The following SNX10 variants were observed in gnomAD, a reference collection of about 807,000 sequenced individuals.
SNX10 encodes the protein sorting nexin-10.
SNX10 carries 25 observed loss-of-function variants against 28.5 expected under a neutral mutation model. The ratio of observed to expected loss-of-function variants is 0.88; its 90% CI spans 0.64 to 1.22. The LOEUF (loss-of-function observed/expected upper bound fraction) is 1.22, where lower values mean the gene tolerates loss of function less well. SNX10 is among the 50% of genes most tolerant of loss of function. The probability of loss-of-function intolerance (pLI) is 0.00; values close to 1 mark genes in which losing one functional copy is unlikely to be tolerated. For synonymous variants in SNX10, 62 were observed against 81.4 expected, an observed-to-expected ratio of 0.76 and a Z score of 1.28; for missense variants, 223 against 242.6, an observed-to-expected ratio of 0.92 and a Z score of 0.54.
chr7:26,310,382 G>A (rs945866218), intron 1 of SNX10, among the ~76,000 whole-genome samples: 2 of 152,132 alleles, frequency 1.3e-5, no homozygotes, highest in Non-Finnish European at 2.9e-5. Flanking sequence ...AATTGGGCAA[G>A]GTCCCTGCCC....
At chr7:26,362,583 G>A (rs1562819442) in intron 3 of SNX10, among the ~76,000 whole-genome samples, 1 of 152,190 alleles carries the variant, frequency 6.6e-6, no homozygotes, top group Non-Finnish European at 1.5e-5. Flanking sequence ...ATTTATTAGA[G>A]GAACTTAATC....
intron 2 of SNX10, among the ~76,000 whole-genome samples, chr7:26,347,346 T>C (rs962506194): frequency 6.6e-6 from 1 of 152,210 alleles, no homozygotes; most frequent in Non-Finnish European, 1.5e-5. Context: ...TTCCCCATTT[T>C]CAAAGGCAGT....
At chr7:26,371,729 C>A (rs1173360022) in intron 5 of SNX10, 92 bp from the exon 6 acceptor site, 1 of 865,350 alleles carries the variant, frequency 1.2e-6, no homozygotes, top group Non-Finnish European at 1.8e-6. Flanking sequence ...GAGAAATTAC[C>A]TTCAGTGGTA....
chr7:26,319,866 G>T (rs1562793503), intron 1 of SNX10, among the ~76,000 whole-genome samples: 1 of 151,970 alleles, frequency 6.6e-6, no homozygotes. Context: ...CCCTAGTACT[G>T]GTTTTTCCTA....
intron 1 of SNX10, among the ~76,000 whole-genome samples, chr7:26,316,901 A>G (rs1787116186): frequency 6.6e-6 from 1 of 152,216 alleles, no homozygotes; most frequent in Non-Finnish European, 1.5e-5. Flanking sequence ...TGCCCAGAAT[A>G]TACTAGAATT....
At chr7:26,297,255 C>A (rs1405311567) in intron 1 of SNX10, among the ~76,000 whole-genome samples, 1 of 152,160 alleles carries the variant, frequency 6.6e-6, no homozygotes, top group Non-Finnish European at 1.5e-5. Flanking sequence ...ATCATCATGC[C>A]TGGCTAATTT....
chr7:26,366,646 A>T (rs1412576958), intron 5 of SNX10, among the ~76,000 whole-genome samples: 1 of 152,186 alleles, frequency 6.6e-6, no homozygotes, highest in East Asian at 1.9e-4. Context: ...AATTCTACAG[A>T]ATTGCCTGTC....
At chr7:26,347,688 A>G (rs993959243) in intron 2 of SNX10, among the ~76,000 whole-genome samples, 4 of 152,156 alleles carry the variant, frequency 2.6e-5, no homozygotes, top group African/African-American at 9.7e-5. Context: ...CATCTCTACT[A>G]AAAATACCAA....
intron 1 of SNX10, among the ~76,000 whole-genome samples, chr7:26,296,575 A>C (rs943975347): frequency 6.6e-6 from 1 of 152,212 alleles, no homozygotes; most frequent in African/African-American, 2.4e-5. Context: ...TGAGACCTTT[A>C]ATAGTTTAGG....
intron 3 of SNX10, among the ~76,000 whole-genome samples, chr7:26,362,609 T>C (rs1218715129): frequency 6.6e-6 from 1 of 152,206 alleles, no homozygotes; most frequent in Admixed American, 6.5e-5. Flanking sequence ...GTGATCTCAG[T>C]ATCCTCTAAT....
At chr7:26,323,311 G>A (rs1217327337) in intron 1 of SNX10, among the ~76,000 whole-genome samples, 1 of 150,324 alleles carries the variant, frequency 6.7e-6, no homozygotes, top group Admixed American at 6.8e-5. Context: ...GAAAAACTTA[G>A]GGGAAAAACG....
At chr7:26,365,847 T>TA (rs11402685) in intron 5 of SNX10, among the ~76,000 whole-genome samples, 72,379 of 151,980 alleles carry the variant, frequency 0.48, 17,502 homozygotes, top group Middle Eastern at 0.61. Flanking sequence ...CTCTGCCACT[T>TA]ACTAGCTGGG....
At chr7:26,370,177 T>C (rs1052443517) in intron 5 of SNX10, among the ~76,000 whole-genome samples, 4 of 152,236 alleles carry the variant, frequency 2.6e-5, no homozygotes, top group Non-Finnish European at 5.9e-5. Flanking sequence ...GGAAACACTC[T>C]GCTCAGACTT....
rs779298714 is a variant in SNX10, at chr7:26,360,997, G to T, written c.47G>T (p.Arg16Leu). ...CAGGAATTTGTAAGTGTCTGGGTTC[G>T]AGATCCTAGGATTCAGAAGGAGGAC... ...QKEEFVSVWV[R>L]DPRIQKEDFW... The change falls in exon 3 of 7, where the codon CGA (arginine) becomes CTA (leucine). Residue 16 changes from arginine to leucine, a missense_variant. Transcript: ENST00000338523. 13 of 1,612,802 alleles carry T rather than the reference G, an allele frequency of 8.1e-6. No homozygotes were observed. The highest frequency in any genetic ancestry group is 1.1e-5 in the Non-Finnish European group (13 of 1,179,494).
intron 1 of SNX10, among the ~76,000 whole-genome samples, chr7:26,320,757 C>T (rs1787280975): frequency 1.3e-5 from 2 of 152,152 alleles, no homozygotes; most frequent in Non-Finnish European, 2.9e-5. Context: ...TGCATACAAG[C>T]ATGTATACAC....
intron 1 of SNX10, among the ~76,000 whole-genome samples, chr7:26,306,668 TG>T (rs1786607776): frequency 6.6e-6 from 1 of 152,178 alleles, no homozygotes; most frequent in South Asian, 2.1e-4. Flanking sequence ...CCCAAAGCAC[TG>T]GGATTACAGG....
chr7:26,360,018 T>C (rs1055914010), intron 2 of SNX10, among the ~76,000 whole-genome samples: 1 of 152,240 alleles, frequency 6.6e-6, no homozygotes, highest in Non-Finnish European at 1.5e-5. Flanking sequence ...AACAAAATTA[T>C]CTACTGTATA....
At chr7:26,372,106 G>T in intron 6 of SNX10, 73 bp downstream of exon 6, 10 of 939,292 alleles carry the variant, frequency 1.1e-5, no homozygotes, top group Non-Finnish European at 1.6e-5. Context: ...CACGTGTATA[G>T]ATATATATAC....
At chr7:26,296,824 C>A (rs1786128658) in intron 1 of SNX10, among the ~76,000 whole-genome samples, 1 of 151,910 alleles carries the variant, frequency 6.6e-6, no homozygotes, top group South Asian at 2.1e-4. Flanking sequence ...CAAGCCTGGG[C>A]AACATAGACC....
Sources: allele counts gnomAD v4.1 joint callset (sites outside exome capture counted in the v4.1 genomes callset), GRCh38; gene constraint gnomAD v4.1.1; transcripts MANE v1.5; gene names NCBI Gene and HGNC (gene_info 2026-07-23, HGNC 2026-07-21).